TMEM233: variants seen among roughly 807,000 people sequenced by gnomAD.
TMEM233 encodes dispanin subfamily B member 2.
TMEM233 carries 6 observed loss-of-function variants against 11.2 expected under a neutral mutation model. The observed-to-expected ratio is 0.54, with a 90% CI of 0.29 to 1.06. The LOEUF (loss-of-function observed/expected upper bound fraction) is 1.06, where lower values mean the gene tolerates loss of function less well. Among genes scored for constraint, TMEM233 ranks in the 50% least tolerant of loss-of-function variants. The pLI is 0.08. For missense variants in TMEM233, 127 were observed against 144.7 expected, an observed-to-expected ratio of 0.88 and a Z score of 0.63; for synonymous variants, 59 against 55.8, an observed-to-expected ratio of 1.06 and a Z score of -0.26.
chr12:119,617,075 G>T (rs1045869811), intron 1 of TMEM233, among the ~76,000 whole-genome samples: 2 of 152,180 alleles, frequency 1.3e-5, no homozygotes, highest in African/African-American at 4.8e-5. Flanking sequence ...GTGGGGAGCT[G>T]CTATAAAGAT....
intron 1 of TMEM233, among the ~76,000 whole-genome samples, chr12:119,628,169 TA>T (rs112029535): frequency 0.011 from 1,625 of 150,970 alleles, 34 homozygotes; most frequent in African/African-American, 0.037. Context: ...TTTTTATTTT[TA>T]TTTTTGAGAC....
intron 2 of TMEM233, among the ~76,000 whole-genome samples, 193 bp downstream of exon 2, chr12:119,630,065 G>T (rs1347061860): frequency 6.6e-6 from 1 of 151,758 alleles, no homozygotes; most frequent in Non-Finnish European, 1.5e-5. Context: ...GTGCGGGAGT[G>T]GGTGAACTCC....
At chr12:119,603,779 C>T (rs1010162254) in intron 1 of TMEM233, among the ~76,000 whole-genome samples, 4 of 152,192 alleles carry the variant, frequency 2.6e-5, no homozygotes, top group African/African-American at 9.7e-5. Flanking sequence ...AGCATGAAGT[C>T]CACATGTAAC....
chr12:119,619,684 A>G (rs1259446143), intron 1 of TMEM233, among the ~76,000 whole-genome samples: 3 of 151,848 alleles, frequency 2.0e-5, no homozygotes, highest in Non-Finnish European at 1.5e-5. Flanking sequence ...AAATCTATTC[A>G]CTCAGGAGTT....
chr12:119,603,538 A>G (rs1215857194), intron 1 of TMEM233, among the ~76,000 whole-genome samples: 1 of 152,206 alleles, frequency 6.6e-6, no homozygotes, highest in Non-Finnish European at 1.5e-5. Context: ...TAGAACTTTA[A>G]TCACCTAAGG....
chr12:119,608,836 A>G (rs965473039), intron 1 of TMEM233, among the ~76,000 whole-genome samples: 2 of 152,090 alleles, frequency 1.3e-5, no homozygotes, highest in African/African-American at 4.8e-5. Flanking sequence ...TTCACTCAAA[A>G]ATGTTTGAAT....
At chr12:119,628,654 C>T (rs969163529) in intron 1 of TMEM233, among the ~76,000 whole-genome samples, 1 of 151,996 alleles carries the variant, frequency 6.6e-6, no homozygotes, top group Non-Finnish European at 1.5e-5. Flanking sequence ...CGCCCGCCAC[C>T]ACGCCCGGCT....
At position 119,593,868 on chromosome 12, in the gene TMEM233, G is replaced by A; in HGVS notation, c.20G>A (p.Ser7Asn). The A allele has an allele frequency of 6.4e-7, 1 of 1,551,666 alleles. No homozygotes were observed. The highest frequency in any genetic ancestry group is 8.7e-7 in the Non-Finnish European group (1 of 1,146,950). Residue 7 changes from serine (S) to asparagine (N), a missense_variant, in exon 1 of 3, where the codon AGC becomes AAC. Coordinates refer to ENST00000426426, the MANE Select transcript of TMEM233 (RefSeq NM_001136534.3). This position sits in a 1 kb window ranked among gnomAD's most constrained non-coding sequence, Gnocchi z 4.1. MSQYAP[S>N]PDFKRALDSS... is the part of the protein sequence containing the mutation. Reference sequence around the variant, plus strand: ...TCGCCCATGTCTCAGTACGCCCCTAGCCCGGACTTCAAGAGGGCTTTGGAC... The same window carrying A: ...TCGCCCATGTCTCAGTACGCCCCTAACCCGGACTTCAAGAGGGCTTTGGAC...
intron 1 of TMEM233, among the ~76,000 whole-genome samples, chr12:119,625,300 G>A (rs1954727524): frequency 6.6e-6 from 1 of 152,142 alleles, no homozygotes; most frequent in South Asian, 2.1e-4. Context: ...TCAGAATCAA[G>A]GAAGAGGTTC....
At chr12:119,621,975 T>C (rs1954652958) in intron 1 of TMEM233, among the ~76,000 whole-genome samples, 1 of 152,212 alleles carries the variant, frequency 6.6e-6, no homozygotes, top group South Asian at 2.1e-4. Context: ...TATATTACAA[T>C]ATCCACAAAG....
chr12:119,619,167 C>T (rs980401868), intron 1 of TMEM233, among the ~76,000 whole-genome samples: 5 of 152,184 alleles, frequency 3.3e-5, no homozygotes, highest in African/African-American at 9.7e-5. Context: ...TGAAGAAGGA[C>T]ATGTTTGCTT....
chr12:119,613,202 G>T (rs944017315), intron 1 of TMEM233, among the ~76,000 whole-genome samples: 1 of 110,834 alleles, frequency 9.0e-6, no homozygotes. Context: ...AAATTCCCAA[G>T]AAGCCTGTTC....
chr12:119,627,924 T>C (rs1013267650), intron 1 of TMEM233, among the ~76,000 whole-genome samples: 1 of 152,184 alleles, frequency 6.6e-6, no homozygotes, highest in Non-Finnish European at 1.5e-5. Context: ...TCACCCCTTT[T>C]CAGGGCCACG....
chr12:119,649,298 C>CA, the TMEM233 span, among the ~76,000 whole-genome samples: 4 of 150,034 alleles, frequency 2.7e-5, no homozygotes, highest in South Asian at 4.2e-4. Context: ...AACTCTGTCT[C>CA]AAAAAAACAG....
At chr12:119,604,293 T>C (rs1337483580) in intron 1 of TMEM233, among the ~76,000 whole-genome samples, 1 of 152,240 alleles carries the variant, frequency 6.6e-6, no homozygotes, top group Admixed American at 6.5e-5. Context: ...AGAAACCAAA[T>C]GCTGAGTTGA....
chr12:119,634,117 T>G (rs934947674), intron 2 of TMEM233: 3 of 269,282 alleles, frequency 1.1e-5, no homozygotes, highest in African/African-American at 6.9e-5. Context: ...TACAGCAAAC[T>G]CATCATCCTA....
the TMEM233 span, among the ~76,000 whole-genome samples, chr12:119,648,752 G>T: frequency 0.041 from 6,188 of 152,122 alleles, 197 homozygotes; most frequent in African/African-American, 0.099. Context: ...ATGAATGAAT[G>T]AATTAATTAA....
intron 1 of TMEM233, among the ~76,000 whole-genome samples, chr12:119,622,142 T>C (rs1227676470): frequency 6.6e-6 from 1 of 152,212 alleles, no homozygotes; most frequent in Middle Eastern, 3.2e-3. Context: ...TGAAAATTGC[T>C]GTTTCTCTCT....
the TMEM233 span, among the ~76,000 whole-genome samples, chr12:119,652,881 C>A: frequency 6.6e-6 from 1 of 152,116 alleles, no homozygotes; most frequent in Non-Finnish European, 1.5e-5. Context: ...CCAGAGGGGT[C>A]ACAAATTAGT....
Sources: allele counts gnomAD v4.1 joint callset (sites outside exome capture counted in the v4.1 genomes callset), GRCh38; gene constraint gnomAD v4.1.1; non-coding constraint Gnocchi (gnomAD v3.1); transcripts MANE v1.5; gene names NCBI Gene and HGNC (gene_info 2026-07-23, HGNC 2026-07-21).